Variants in KCNJ18 observed in about 807,000 individuals in gnomAD.
KCNJ18 encodes potassium inwardly rectifying channel subfamily J member 18.
In KCNJ18, 16 loss-of-function variants were observed where a neutral mutation model predicts 17.3. The observed-to-expected ratio is 0.92, with a 90% CI of 0.62 to 1.40. The LOEUF (loss-of-function observed/expected upper bound fraction) is 1.40, where lower values mean the gene tolerates loss of function less well. Among genes scored for constraint, KCNJ18 ranks in the 40% most tolerant of loss-of-function variants. The probability of loss-of-function intolerance (pLI) is 0.00; values close to 1 mark genes in which losing one functional copy is unlikely to be tolerated. For missense variants in KCNJ18, 462 were observed against 626.8 expected (o/e 0.74, Z 2.81); for synonymous variants, 185 against 262.6 (o/e 0.70, Z 2.86).
intron 1 of KCNJ18, among the ~76,000 whole-genome samples, chr17:21,694,097 G>T (rs1176717136): frequency 2.6e-5 from 4 of 152,148 alleles, no homozygotes; most frequent in African/African-American, 9.7e-5. Flanking sequence ...CTAGGTCTGT[G>T]TGCCTGTAAA....
chr17:21,700,057 T>A (rs1298186901), intron 2 of KCNJ18, among the ~76,000 whole-genome samples: 5 of 152,278 alleles, frequency 3.3e-5, no homozygotes, highest in Non-Finnish European at 7.3e-5. Context: ...GGTCCAGGAA[T>A]CTGGGGCTGA....
chr17:21,695,183 CCATCCATCCATCCATT>C (rs1455137404), intron 1 of KCNJ18, among the ~76,000 whole-genome samples: 4 of 143,826 alleles, frequency 2.8e-5, no homozygotes, highest in Admixed American at 2.2e-4. Flanking sequence ...ATCCAACCAT[CCATCCATCCATCCATT>C]CATCCATCCA....
Position 21,703,026 on chromosome 17 carries a change from G to A in KCNJ18, c.240G>A (p.Trp80Ter). 5 of 1,613,148 alleles carry A rather than the reference G, an allele frequency of 3.1e-6. No individual in the cohort carries two copies. In the South Asian group the frequency reaches 5.5e-5, roughly 18 times the overall value. Reference sequence around the variant, plus strand: ...TCACCACCTGTGTGGACATCCGCTGGCGCTACATGCTGCTCATCTTCTCGC... The same window carrying A: ...TCACCACCTGTGTGGACATCCGCTGACGCTACATGCTGCTCATCTTCTCGC... Reference protein sequence around the residue: ...DMFTTCVDIRWRYMLLIFSLA... With the variant: ...DMFTTCVDIR Residue 80 changes from tryptophan (W) to a stop codon, truncating the protein, a stop_gained, in exon 3 of 3, where the codon TGG (tryptophan) becomes TGA (stop). Transcript: ENST00000567955. LOFTEE classifies it high-confidence loss of function.
intron 2 of KCNJ18, among the ~76,000 whole-genome samples, chr17:21,699,288 G>C (rs1905860821): frequency 1.3e-5 from 2 of 152,114 alleles, no homozygotes; most frequent in African/African-American, 4.8e-5. Flanking sequence ...TTCTTAAATT[G>C]CGACCTTGAA....
At chr17:21,695,728 A>G (rs1292314485) in intron 1 of KCNJ18, among the ~76,000 whole-genome samples, 2 of 152,300 alleles carry the variant, frequency 1.3e-5, no homozygotes, top group Non-Finnish European at 2.9e-5. Flanking sequence ...CTGGCATGCA[A>G]TAGGCACTCA....
At chr17:21,700,368 AC>A (rs2096811458) in intron 2 of KCNJ18, among the ~76,000 whole-genome samples, 1 of 127,566 alleles carries the variant, frequency 7.8e-6, no homozygotes, top group Non-Finnish European at 1.7e-5. Context: ...TGGTGGCTGC[AC>A]CCCCGGGTTG....
At chr17:21,697,346 C>G (rs1355094177) in intron 2 of KCNJ18, among the ~76,000 whole-genome samples, 3 of 152,310 alleles carry the variant, frequency 2.0e-5, no homozygotes, top group Non-Finnish European at 4.4e-5. Flanking sequence ...GCATTGGACC[C>G]AAATGTTTGA....
In KCNJ18 at chr17:21,703,026, G is replaced by C; in HGVS notation, c.240G>C (p.Trp80Cys). The change falls in exon 3 of 3, where the codon TGG becomes TGC. Residue 80 changes from tryptophan to cysteine, a missense_variant. Transcript: ENST00000567955. ...DMFTTCVDIR[W>C]RYMLLIFSLA... ...TCACCACCTGTGTGGACATCCGCTG[G>C]CGCTACATGCTGCTCATCTTCTCGC... 1 of 1,613,148 alleles carries C rather than the reference G, an allele frequency of 6.2e-7. No homozygotes were observed. Among genetic ancestry groups the C allele is most frequent in the Non-Finnish European group, 8.5e-7 (1 of 1,179,824 alleles).
chr17:21,694,558 A>C (rs1905697455), intron 1 of KCNJ18, among the ~76,000 whole-genome samples: 1 of 150,996 alleles, frequency 6.6e-6, no homozygotes, highest in African/African-American at 2.4e-5. Context: ...CCCACTCATC[A>C]CCCACCCTCA....
At position 21,702,899 on chromosome 17, in the gene KCNJ18, C is replaced by T. The variant is rs1165714730; in HGVS notation, c.113C>T (p.Thr38Met). The T allele has an allele frequency of 5.8e-5, 93 of 1,598,268 alleles. No homozygotes were observed. Among genetic ancestry groups the T allele is most frequent in the African/African-American group, 4.8e-4 (36 of 74,800 alleles). The part of the protein sequence containing the change: ...ANGFGNGKVH[T>M]RRRCRNRFVK... ...GGCTTCGGCAACGGCAAGGTGCACA[C>T]GCGGCGCAGGTGCCGCAACCGCTTC... The change falls in exon 3 of 3, where the codon ACG (threonine) becomes ATG (methionine). Residue 38 changes from threonine to methionine, a missense_variant. By Grantham distance (81) the Thr-to-Met change is moderately conservative. Around this residue, in one of 5 missense-constraint regions of KCNJ18, gnomAD observed 237 missense variants for 259.4 expected, o/e 0.91. Transcript: ENST00000567955.
intron 1 of KCNJ18, among the ~76,000 whole-genome samples, chr17:21,693,928 G>A (rs1166382767): frequency 1.2e-4 from 18 of 152,188 alleles, no homozygotes; most frequent in African/African-American, 4.3e-4. Flanking sequence ...ATGAGGGATG[G>A]GGAAGAAGGG....
In KCNJ18 at chr17:21,703,365, G is replaced by A. The variant is rs1382705356; in HGVS notation, c.579G>A (p.Thr193=). The A allele has an allele frequency of 7.0e-5, 113 of 1,607,206 alleles. No individual in the cohort carries two copies. Among genetic ancestry groups the A allele is most frequent in the East Asian group, 9.0e-5 (4 of 44,658 alleles). Residue 193 remains threonine (T), a synonymous_variant, in exon 3 of 3, where the codon ACG becomes ACA. Transcript: ENST00000567955. The part of the protein sequence containing the change: ...KMARPKKRAQ[T]LLFSHNAVVA... Reference sequence around the variant, plus strand: ...CAAGGCCCAAGAAGCGGGCACAGACGCTGCTGTTCAGCCACAACGCCGTGG... The same window carrying A: ...CAAGGCCCAAGAAGCGGGCACAGACACTGCTGTTCAGCCACAACGCCGTGG...
At chr17:21,693,535 C>A (rs1293176409) in intron 1 of KCNJ18, among the ~76,000 whole-genome samples, 1 of 152,292 alleles carries the variant, frequency 6.6e-6, no homozygotes, top group Non-Finnish European at 1.5e-5. Context: ...AGAGTTCCAG[C>A]TCCAGGTGAC....
rs1284863489 is a variant in KCNJ18, at chr17:21,703,101, C to A, written c.315C>A (p.Ile105=). Residue 105 remains isoleucine, a synonymous_variant, in exon 3 of 3, where the codon ATC becomes ATA. Transcript: ENST00000567955. ...TGTTCGGCGTCATCTTCTGGGTCAT[C>A]GCGGTGGCACACGGTGACCTGGAGC... The part of the protein sequence containing the change: ...WLLFGVIFWV[I]AVAHGDLEPA... 7 of 1,446,370 alleles carry A rather than the reference C, an allele frequency of 4.8e-6. No individual in the cohort carries two copies. The highest frequency in any genetic ancestry group is 1.5e-5 in the African/African-American group (1 of 68,336). The allele number at this position is 1,446,370 out of a possible 1,614,324, so 89.6% of individuals were successfully genotyped here. A position where few individuals can be genotyped will look rare whatever the true frequency, so the allele number is the denominator to read the frequency against.
At chr17:21,699,706 G>C (rs1186923103) in intron 2 of KCNJ18, among the ~76,000 whole-genome samples, 4 of 152,374 alleles carry the variant, frequency 2.6e-5, no homozygotes, top group Middle Eastern at 3.4e-3. Context: ...AACGTCAACA[G>C]AAGTGGGGGT....
At chr17:21,695,170 T>G (rs1227830856) in intron 1 of KCNJ18, among the ~76,000 whole-genome samples, 2 of 151,842 alleles carry the variant, frequency 1.3e-5, no homozygotes, top group African/African-American at 2.4e-5. Flanking sequence ...TATCCATCCA[T>G]CTATCCAACC....
chr17:21,696,883 G>A (rs1464065386), intron 2 of KCNJ18, among the ~76,000 whole-genome samples: 1 of 152,310 alleles, frequency 6.6e-6, no homozygotes, highest in Non-Finnish European at 1.5e-5. Context: ...GGAGACAAAG[G>A]TTCCAGCGCA....
rs1352149787 is a variant in KCNJ18, at chr17:21,704,436, C to T, written c.*348C>T. The stretch of plus-strand genomic sequence containing the variant: ...CCCAGCCTCTGCTGTCCAAGGCTGG[C>T]TAGCTGCGGTGCTCCTTGCTGGTTT... On this transcript the variant is annotated 3_prime_UTR_variant, in exon 3 of 3. Transcript: ENST00000567955. 7.2e-6 allele frequency: 2 copies of T among 279,222 alleles called. No individual in the cohort carries two copies. Among genetic ancestry groups the T allele is most frequent in the Non-Finnish European group, 7.1e-6 (1 of 139,960 alleles). The allele number at this position is 279,222 out of a possible 1,614,324, so 17.3% of individuals were successfully genotyped here.
At chr17:21,695,119 C>A (rs1284179979) in intron 1 of KCNJ18, among the ~76,000 whole-genome samples, 2 of 152,292 alleles carry the variant, frequency 1.3e-5, no homozygotes, top group Non-Finnish European at 2.9e-5. Context: ...ACCCATCTAC[C>A]CTTCTGTTCA....
Sources: allele counts gnomAD v4.1 joint callset (sites outside exome capture counted in the v4.1 genomes callset), GRCh38; gene constraint gnomAD v4.1.1; regional missense constraint gnomAD v4.1.1; transcripts MANE v1.5; gene names NCBI Gene and HGNC (gene_info 2026-07-23, HGNC 2026-07-21).